HCN1: variants seen among roughly 807,000 people sequenced by gnomAD.
The protein encoded by HCN1 is hyperpolarization activated cyclic nucleotide gated potassium channel 1, also known as potassium/sodium hyperpolarization-activated cyclic nucleotide-gated channel 1.
A neutral mutation model predicts 78.9 loss-of-function variants in HCN1; 13 were observed. That is an observed-to-expected ratio of 0.16 (90% CI 0.11 to 0.26). HCN1 has a LOEUF of 0.26. HCN1 is among the 10% of genes least tolerant of loss of function. The pLI is 1.00. For synonymous variants in HCN1, 552 were observed against 455.5 expected, an observed-to-expected ratio of 1.21 and a Z score of -2.70; for missense variants, 810 against 1,154.3, an observed-to-expected ratio of 0.70 and a Z score of 4.32.
intron 2 of HCN1, among the ~76,000 whole-genome samples, chr5:45,510,119 C>A (rs762472505): frequency 1.3e-5 from 2 of 152,032 alleles, no homozygotes; most frequent in Non-Finnish European, 2.9e-5. Context: ...AGCTTATGGT[C>A]TATCCAAAAA....
chr5:45,445,574 G>C (rs2111580949), intron 3 of HCN1, among the ~76,000 whole-genome samples: 1 of 152,332 alleles, frequency 6.6e-6, no homozygotes, highest in African/African-American at 2.4e-5. Flanking sequence ...AGAATGGGCA[G>C]ACTGCCTCCT....
intron 5 of HCN1, among the ~76,000 whole-genome samples, chr5:45,350,469 C>A (rs980288638): frequency 6.6e-6 from 1 of 152,024 alleles, no homozygotes; most frequent in Non-Finnish European, 1.5e-5. Context: ...TGCCACAAGA[C>A]AGGGATGCCC....
At chr5:45,457,822 A>G (rs1203101111) in intron 3 of HCN1, among the ~76,000 whole-genome samples, 1 of 152,086 alleles carries the variant, frequency 6.6e-6, no homozygotes, top group Non-Finnish European at 1.5e-5. Flanking sequence ...ATTTATAACT[A>G]ACCCCCTTCT....
At chr5:45,447,525 G>A (rs1412901881) in intron 3 of HCN1, among the ~76,000 whole-genome samples, 1 of 152,172 alleles carries the variant, frequency 6.6e-6, no homozygotes, top group African/African-American at 2.4e-5. Flanking sequence ...TTACAGGCAT[G>A]AGCCACTCAC....
intron 1 of HCN1, among the ~76,000 whole-genome samples, chr5:45,670,501 C>T (rs1232884012): frequency 1.3e-5 from 2 of 151,602 alleles, no homozygotes; most frequent in African/African-American, 4.8e-5. Context: ...AGCTGGAGGT[C>T]ATTAAGAATC....
chr5:45,339,714 G>A (rs969746089), intron 5 of HCN1, among the ~76,000 whole-genome samples: 1 of 152,064 alleles, frequency 6.6e-6, no homozygotes, highest in African/African-American at 2.4e-5. Context: ...AGATGTTGAG[G>A]TAATGTTGAG....
At chr5:45,481,519 TC>T (rs1473696919) in intron 2 of HCN1, among the ~76,000 whole-genome samples, 1 of 152,202 alleles carries the variant, frequency 6.6e-6, no homozygotes, top group Non-Finnish European at 1.5e-5. Flanking sequence ...AGAACTGATT[TC>T]AGTTGTGACT....
chr5:45,525,814 G>A (rs1211745783), intron 2 of HCN1, among the ~76,000 whole-genome samples: 1 of 151,990 alleles, frequency 6.6e-6, no homozygotes, highest in Non-Finnish European at 1.5e-5. Flanking sequence ...GGGACTGCAT[G>A]TTTATGTGCC....
At chr5:45,561,414 T>TTA (rs1394478730) in intron 2 of HCN1, among the ~76,000 whole-genome samples, 1 of 152,068 alleles carries the variant, frequency 6.6e-6, no homozygotes, top group Non-Finnish European at 1.5e-5. Flanking sequence ...TTCAATACCA[T>TTA]TATGGCACAC....
chr5:45,498,144 C>T (rs1274365129), intron 2 of HCN1, among the ~76,000 whole-genome samples: 7 of 152,148 alleles, frequency 4.6e-5, no homozygotes, highest in Non-Finnish European at 5.9e-5. Context: ...CCTTGCTAGA[C>T]TGGGGAAGTT....
intron 2 of HCN1, among the ~76,000 whole-genome samples, chr5:45,466,403 G>A (rs1240611805): frequency 6.6e-6 from 1 of 152,070 alleles, no homozygotes; most frequent in Non-Finnish European, 1.5e-5. Flanking sequence ...TAATTTCTGA[G>A]CTAGTTTGTG....
At chr5:45,488,733 G>A (rs1442133335) in intron 2 of HCN1, among the ~76,000 whole-genome samples, 1 of 152,104 alleles carries the variant, frequency 6.6e-6, no homozygotes, top group East Asian at 1.9e-4. Flanking sequence ...AGAAAGCATA[G>A]ATAACTATTT....
Position 45,694,656 on chromosome 5 carries a change from G to A in HCN1, c.425+1013C>T, listed in dbSNP as rs765969934. Among the ~76,000 whole-genome samples, 21 of 152,310 alleles carry A rather than the reference G, an allele frequency of 1.4e-4. 1 individual carries two copies. In the Middle Eastern group the frequency reaches 0.01, roughly 74 times the overall value. ...TAAATATCACCCTGAGTTATTAGGA[G>A]TTACTAGTTCTGGATTTTAAAATGG... On this transcript the variant is annotated intron_variant, in intron 1 of 7. Coordinates refer to ENST00000303230, the MANE Select transcript of HCN1 (RefSeq NM_021072.4).
intron 3 of HCN1, among the ~76,000 whole-genome samples, chr5:45,442,630 T>TA (rs1026690431): frequency 1.7e-4 from 25 of 150,428 alleles, no homozygotes; most frequent in African/African-American, 5.6e-4. Flanking sequence ...GCATTTACAA[T>TA]AAAAAACATC....
intron 1 of HCN1, among the ~76,000 whole-genome samples, chr5:45,689,606 A>G (rs977715097): frequency 6.6e-6 from 1 of 152,114 alleles, no homozygotes; most frequent in African/African-American, 2.4e-5. Flanking sequence ...TCTTAGTTGC[A>G]GGAGAGAACT....
At chr5:45,303,556 C>T in intron 6 of HCN1, 43 bp downstream of exon 6, 1 of 1,603,178 alleles carries the variant, frequency 6.2e-7, no homozygotes, top group African/African-American at 1.3e-5. Flanking sequence ...ATACAAATCT[C>T]AAGCAGTTTA....
intron 2 of HCN1, among the ~76,000 whole-genome samples, chr5:45,579,088 G>C (rs1381617777): frequency 6.6e-6 from 1 of 151,914 alleles, no homozygotes; most frequent in Non-Finnish European, 1.5e-5. Flanking sequence ...ATAAGTATCT[G>C]TTTATAAAAT....
At chr5:45,493,863 T>A (rs1246097184) in intron 2 of HCN1, among the ~76,000 whole-genome samples, 2 of 151,474 alleles carry the variant, frequency 1.3e-5, no homozygotes, top group African/African-American at 4.9e-5. Flanking sequence ...TGGTTTTTTG[T>A]TCTTGCGATA....
intron 5 of HCN1, among the ~76,000 whole-genome samples, chr5:45,350,858 G>A (rs1746883342): frequency 6.6e-6 from 1 of 152,150 alleles, no homozygotes. Context: ...ACAAACCACT[G>A]CTCAATGAAG....
Sources: gnomAD v4.1 joint callset for allele counts (sites outside exome capture counted in the v4.1 genomes callset) on GRCh38, gnomAD v4.1.1 for gene constraint, MANE v1.5 for transcripts, NCBI Gene and HGNC (gene_info 2026-07-23, HGNC 2026-07-21) for gene names.